The following ARMH4 variants were observed in gnomAD, a reference collection of about 807,000 sequenced individuals.
ARMH4 encodes the protein armadillo like helical domain containing 4.
Under a neutral mutation model 61.9 loss-of-function variants are expected in ARMH4, and 49 were observed. The observed-to-expected ratio is 0.79, with a 90% CI of 0.63 to 1.00. The LOEUF is 1.00. Ranked by LOEUF, ARMH4 falls within the 50% of genes least tolerant of loss-of-function variation. ARMH4 has a pLI of 0.00. For missense variants in ARMH4, 934 were observed against 930.0 expected (o/e 1.00, Z -0.06); for synonymous variants, 368 against 341.5 (o/e 1.08, Z -0.85).
chr14:58,084,795 A>T (rs979329764), intron 5 of ARMH4, among the ~76,000 whole-genome samples: 8 of 152,216 alleles, frequency 5.3e-5, no homozygotes, highest in Admixed American at 3.9e-4. Context: ...ACATGAATTG[A>T]ACTGGGACCT....
intron 1 of ARMH4, among the ~76,000 whole-genome samples, chr14:58,151,709 C>G (rs1887928294): frequency 6.6e-6 from 1 of 152,112 alleles, no homozygotes; most frequent in African/African-American, 2.4e-5. Flanking sequence ...GGATTGCGAG[C>G]GGAGGGAGAA....
In ARMH4 at chr14:58,050,390, A is replaced by G. The variant is rs563196801; in HGVS notation, c.2090-38240T>C. Reference sequence around the variant, plus strand: ...GTCCTCAAAGCCCTATCCTTACACTACTCAAATTCATGCCTTCCTCTCTCT... The same window carrying G: ...GTCCTCAAAGCCCTATCCTTACACTGCTCAAATTCATGCCTTCCTCTCTCT... On this transcript the variant is annotated intron_variant, in intron 5 of 7. Coordinates refer to ENST00000267485, the MANE Select transcript of ARMH4 (RefSeq NM_001001872.4). 5.9e-5 allele frequency among the ~76,000 whole-genome samples: 9 copies of G among 152,230 alleles called. No homozygotes were observed. The South Asian group carries it at 1.7e-3, about 28-fold the overall frequency.
chr14:58,136,878 T>C (rs768409112), intron 2 of ARMH4, among the ~76,000 whole-genome samples: 3 of 152,216 alleles, frequency 2.0e-5, no homozygotes, highest in Non-Finnish European at 2.9e-5. Flanking sequence ...TGATTTATCT[T>C]CCACCCTACC....
rs45570237 is a variant in ARMH4 at position 58,131,719 on chromosome 14, G to C, written c.1624C>G (p.Gln542Glu). ...TTTGGCCCTGTGACTGTGTCCATTT[G>C]TTCTGCCAAACACAACAGACAGGAC... ...SFEVTPTVEE[Q>E]MDTVTGPNEE... The change falls in exon 4 of 8, where the codon CAA (glutamine) becomes GAA (glutamate). Residue 542 changes from glutamine (Q) to glutamate (E), a missense_variant and splice_region_variant. Gln to Glu is a conservative substitution (Grantham distance 29, BLOSUM62 2). Coordinates refer to ENST00000267485, the MANE Select transcript of ARMH4 (RefSeq NM_001001872.4). 8.3e-3 allele frequency: 13,437 copies of C among 1,612,316 alleles called. 107 individuals carry two copies. Among genetic ancestry groups the C allele is most frequent in the Middle Eastern group, 0.021 (105 of 4,910 alleles).
chr14:58,009,298 C>T (rs536887907), intron 6 of ARMH4, among the ~76,000 whole-genome samples: 3 of 152,206 alleles, frequency 2.0e-5, no homozygotes, highest in African/African-American at 7.2e-5. Flanking sequence ...GTGCTTTTAT[C>T]CTCCCTTTTA....
chr14:58,106,277 C>G lies in ARMH4; in HGVS notation c.1832-9296G>C, dbSNP rs148173627. On this transcript the variant is annotated intron_variant, in intron 4 of 7. Coordinates refer to ENST00000267485, the MANE Select transcript of ARMH4 (RefSeq NM_001001872.4). ...AATCTGATGCTCCTGCTAGCATGTC[C>G]ACTGTCAAGAATTCCAACACCTAAC... 6.8e-3 allele frequency among the ~76,000 whole-genome samples: 1,038 copies of G among 152,218 alleles called. 10 individuals carry two copies. Among genetic ancestry groups the G allele is most frequent in the African/African-American group, 0.024 (989 of 41,528 alleles).
At chr14:58,045,708 A>G (rs563982906) in intron 5 of ARMH4, among the ~76,000 whole-genome samples, 67 of 152,264 alleles carry the variant, frequency 4.4e-4, no homozygotes, top group African/African-American at 1.5e-3. Flanking sequence ...ATGTGACCCA[A>G]TTGGAATTAG....
At chr14:58,020,417 G>T (rs941009094) in intron 5 of ARMH4, among the ~76,000 whole-genome samples, 1 of 152,126 alleles carries the variant, frequency 6.6e-6, no homozygotes, top group Non-Finnish European at 1.5e-5. Context: ...GCCTCTGTAT[G>T]TGTCTCCCTC....
chr14:58,052,644 C>G (rs1285292830), intron 5 of ARMH4, among the ~76,000 whole-genome samples: 1 of 152,134 alleles, frequency 6.6e-6, no homozygotes, highest in East Asian at 1.9e-4. Flanking sequence ...TCTACTTCAC[C>G]TGTGAATTAT....
rs572182783 is a variant in ARMH4, at chr14:58,138,229, C to G, written c.1130G>C (p.Gly377Ala). Residue 377 changes from glycine (G) to alanine (A), a missense_variant, in exon 2 of 8, where the codon GGC becomes GCC. By Grantham distance (60) the Gly-to-Ala change is moderately conservative. Coordinates refer to ENST00000267485, the MANE Select transcript of ARMH4 (RefSeq NM_001001872.4). ...LGLPEGETHT[G>A]TALLIAHGNE... is the part of the protein sequence containing the mutation. ...CCCATGCGCTATTAGCAGGGCTGTG[C>G]CCGTGTGTGTTTCCCCTTCAGGCAG... The G allele has an allele frequency of 5.0e-6, 8 of 1,614,190 alleles. No individual in the cohort carries two copies. The highest frequency in any genetic ancestry group is 6.8e-6 in the Non-Finnish European group (8 of 1,180,026).
chr14:58,012,837 G>A (rs575831881), intron 5 of ARMH4, among the ~76,000 whole-genome samples: 3 of 152,294 alleles, frequency 2.0e-5, no homozygotes, highest in African/African-American at 7.2e-5. Flanking sequence ...AGCCATTTGG[G>A]AATACATAAA....
intron 5 of ARMH4, among the ~76,000 whole-genome samples, chr14:58,087,170 T>C (rs1054527452): frequency 2.0e-5 from 3 of 152,240 alleles, no homozygotes; most frequent in African/African-American, 7.2e-5. Context: ...TTTGTTGTAT[T>C]TTCACTTTGC....
intron 5 of ARMH4, among the ~76,000 whole-genome samples, chr14:58,056,421 A>G (rs1186604913): frequency 6.6e-6 from 1 of 152,244 alleles, no homozygotes; most frequent in Non-Finnish European, 1.5e-5. Flanking sequence ...TACAAAGCCC[A>G]TAGTTTAATG....
At chr14:58,098,912 G>T (rs1024657120) in intron 4 of ARMH4, among the ~76,000 whole-genome samples, 3 of 152,148 alleles carry the variant, frequency 2.0e-5, no homozygotes, top group Admixed American at 6.6e-5. Context: ...AAAAAAGAAG[G>T]CTGACAAGGA....
At chr14:58,133,723 TATTA>T (rs1271010108) in intron 2 of ARMH4, among the ~76,000 whole-genome samples, 1 of 152,218 alleles carries the variant, frequency 6.6e-6, no homozygotes, top group Non-Finnish European at 1.5e-5. Flanking sequence ...GTATACAGTG[TATTA>T]ATTTTCACAT....
intron 5 of ARMH4, among the ~76,000 whole-genome samples, chr14:58,023,933 G>A (rs1172977108): frequency 1.3e-5 from 2 of 152,120 alleles, no homozygotes; most frequent in African/African-American, 4.8e-5. Context: ...TCTCAACAGT[G>A]GGCTTAAGAT....
At chr14:58,102,484 T>C (rs1886017584) in intron 4 of ARMH4, among the ~76,000 whole-genome samples, 1 of 152,146 alleles carries the variant, frequency 6.6e-6, no homozygotes, top group Non-Finnish European at 1.5e-5. Flanking sequence ...TGGATTATCT[T>C]GGTGGACCTT....
chr14:58,044,091 C>G (rs547812325), intron 5 of ARMH4, among the ~76,000 whole-genome samples: 70 of 152,280 alleles, frequency 4.6e-4, no homozygotes, highest in African/African-American at 1.6e-3. Context: ...CAATGACTTT[C>G]TTCACAGAAT....
At chr14:58,079,441 T>A (rs1172872448) in intron 5 of ARMH4, among the ~76,000 whole-genome samples, 2 of 152,276 alleles carry the variant, frequency 1.3e-5, no homozygotes, top group East Asian at 3.9e-4. Flanking sequence ...AACCCACTCC[T>A]ATGATAAAGG....
Sources: allele counts gnomAD v4.1 joint callset (sites outside exome capture counted in the v4.1 genomes callset), GRCh38; gene constraint gnomAD v4.1.1; transcripts MANE v1.5; gene names NCBI Gene and HGNC (gene_info 2026-07-23, HGNC 2026-07-21).